The following CREM variants were observed in gnomAD, a reference collection of about 807,000 sequenced individuals.
CREM encodes cAMP-responsive element modulator.
Under a neutral mutation model 37.3 loss-of-function variants are expected in CREM, and 13 were observed. That is an observed-to-expected ratio of 0.35 (90% CI 0.23 to 0.55). The LOEUF is 0.55. Ranked by LOEUF, CREM falls within the 20% of genes least tolerant of loss-of-function variation. CREM has a pLI of 0.88. For synonymous variants in CREM, 124 were observed against 120.2 expected, an observed-to-expected ratio of 1.03 and a Z score of -0.21; for missense variants, 296 against 362.3, an observed-to-expected ratio of 0.82 and a Z score of 1.49.
chr10:35,182,729 A>G (rs954956856), intron 5 of CREM, among the ~76,000 whole-genome samples: 4 of 152,228 alleles, frequency 2.6e-5, no homozygotes, highest in African/African-American at 9.6e-5. Context: ...CCTGGGGAGT[A>G]GGAAAAAGCA....
At position 35,142,782 on chromosome 10, in the gene CREM, T is replaced by C. The variant is rs564208573; in HGVS notation, c.44+4903T>C. Among the ~76,000 whole-genome samples, 54 of 152,174 alleles carry C rather than the reference T, an allele frequency of 3.5e-4. No homozygotes were observed. In the East Asian group the frequency reaches 9.1e-3, roughly 26 times the overall value. On this transcript the variant is annotated intron_variant, in intron 2 of 7. Transcript: ENST00000685392. ...CACTACGCCCAGCTAACTTTTTTGT[T>C]TTCTATGTGGAGACGGGGTCTCACT...
At chr10:35,144,855 T>G (rs916515663) in intron 2 of CREM, among the ~76,000 whole-genome samples, 3 of 151,874 alleles carry the variant, frequency 2.0e-5, no homozygotes, top group Admixed American at 6.6e-5. Flanking sequence ...ATTATAAATA[T>G]CAGTTATTGA....
intron 1 of CREM, among the ~76,000 whole-genome samples, chr10:35,137,119 G>A (rs2090661840): frequency 2.0e-5 from 3 of 152,042 alleles, no homozygotes; most frequent in Admixed American, 2.0e-4. Flanking sequence ...TGGCTCAAAT[G>A]TTCTTTTGTC....
At chr10:35,170,433 T>G (rs1015959558) in intron 3 of CREM, among the ~76,000 whole-genome samples, 6 of 152,192 alleles carry the variant, frequency 3.9e-5, no homozygotes, top group Non-Finnish European at 8.8e-5. Flanking sequence ...TTAGGGAGGA[T>G]TCCCTGTTTT....
At chr10:35,187,172 A>T (rs553627346) in intron 5 of CREM, among the ~76,000 whole-genome samples, 10 of 41,652 alleles carry the variant, frequency 2.4e-4, no homozygotes, top group African/African-American at 6.1e-4. Flanking sequence ...ATTATATATT[A>T]ATATTAATAT....
chr10:35,172,794 G>A (rs1482915116), intron 3 of CREM, among the ~76,000 whole-genome samples: 1 of 152,146 alleles, frequency 6.6e-6, no homozygotes. Context: ...TTAGCTGCCT[G>A]TTTTTCCACA....
At chr10:35,132,670 G>C (rs921320414) in intron 1 of CREM, among the ~76,000 whole-genome samples, 6 of 152,128 alleles carry the variant, frequency 3.9e-5, no homozygotes, top group African/African-American at 9.7e-5. Flanking sequence ...GCTTCATAAA[G>C]AGTATAAGAC....
At chr10:35,135,259 G>T (rs182490449) in intron 1 of CREM, among the ~76,000 whole-genome samples, 2 of 152,120 alleles carry the variant, frequency 1.3e-5, no homozygotes, top group African/African-American at 4.8e-5. Flanking sequence ...GTTATTACTT[G>T]CCTATAACAA....
intron 3 of CREM, among the ~76,000 whole-genome samples, chr10:35,166,252 T>G (rs545277954): frequency 7.1e-6 from 1 of 141,492 alleles, no homozygotes; most frequent in South Asian, 2.3e-4. Flanking sequence ...AGCCACACTA[T>G]CTTAAAAACA....
intron 1 of CREM, among the ~76,000 whole-genome samples, chr10:35,128,832 C>T (rs1398365024): frequency 1.3e-5 from 2 of 152,048 alleles, no homozygotes; most frequent in East Asian, 3.9e-4. Flanking sequence ...GCCTTTTTTT[C>T]CTAGTCTTGA....
At chr10:35,184,316 A>G (rs999257423) in intron 5 of CREM, among the ~76,000 whole-genome samples, 5 of 152,212 alleles carry the variant, frequency 3.3e-5, no homozygotes, top group Admixed American at 6.5e-5. Flanking sequence ...TATTTTTTCT[A>G]TCTTGATTTA....
At chr10:35,181,071 A>G (rs2094332305) in intron 5 of CREM, among the ~76,000 whole-genome samples, 2 of 152,238 alleles carry the variant, frequency 1.3e-5, no homozygotes, top group South Asian at 4.1e-4. Flanking sequence ...AGAAGCAGTG[A>G]TTCCTTTACA....
chr10:35,144,366 C>T (rs1453669651), intron 2 of CREM, among the ~76,000 whole-genome samples: 3 of 152,014 alleles, frequency 2.0e-5, no homozygotes, highest in Non-Finnish European at 2.9e-5. Context: ...GCTTTGGAGC[C>T]TGAATGGATG....
intron 1 of CREM, 160 bp downstream of exon 1, chr10:35,127,353 G>A (rs1055552336): frequency 4.6e-5 from 7 of 152,030 alleles, no homozygotes; most frequent in Admixed American, 1.3e-4. Context: ...GCCGGGCCAA[G>A]GACTGGCGGG....
intron 6 of CREM, among the ~76,000 whole-genome samples, chr10:35,194,097 C>CAAAAAAAAAAAAAAAAAAAAAAA (rs371978117): frequency 5.2e-4 from 13 of 25,058 alleles, no homozygotes; most frequent in Non-Finnish European, 6.0e-4. Flanking sequence ...GACTTCATCT[C>CAAAAAAAAAAAAAAAAAAAAAAA]AAAAAAAAAA....
intron 1 of CREM, among the ~76,000 whole-genome samples, chr10:35,135,203 A>G (rs1274955294): frequency 6.6e-6 from 1 of 152,204 alleles, no homozygotes; most frequent in Non-Finnish European, 1.5e-5. Flanking sequence ...TGGCAGAGAA[A>G]TCCATAACCA....
At chr10:35,159,741 C>T (rs1338457339) in intron 3 of CREM, among the ~76,000 whole-genome samples, 1 of 152,180 alleles carries the variant, frequency 6.6e-6, no homozygotes, top group Non-Finnish European at 1.5e-5. Context: ...TATAAAGCTT[C>T]CCCACAGCAA....
At chr10:35,175,379 G>A (rs1232532489) in intron 3 of CREM, among the ~76,000 whole-genome samples, 1 of 152,162 alleles carries the variant, frequency 6.6e-6, no homozygotes, top group Non-Finnish European at 1.5e-5. Context: ...CTGGGAGGTA[G>A]AGCTTGCAGG....
chr10:35,154,061 T>G (rs751929191), intron 3 of CREM: 1 of 398,490 alleles, frequency 2.5e-6, no homozygotes, highest in African/African-American at 2.1e-5. Flanking sequence ...CCATTCTAAG[T>G]GCACAATGTG....
Sources: allele counts gnomAD v4.1 joint callset (sites outside exome capture counted in the v4.1 genomes callset), GRCh38; gene constraint gnomAD v4.1.1; transcripts MANE v1.5; gene names NCBI Gene and HGNC (gene_info 2026-07-23, HGNC 2026-07-21).